AP3S1: variants seen among roughly 807,000 people sequenced by gnomAD.
AP3S1 encodes the protein AP-3 complex subunit sigma-1.
Under a neutral mutation model 21.3 loss-of-function variants are expected in AP3S1, and 12 were observed. The observed-to-expected ratio is 0.56, with a 90% CI of 0.36 to 0.91. AP3S1 has a LOEUF of 0.91. AP3S1 is among the 40% of genes least tolerant of loss of function. AP3S1 has a pLI of 0.01. For synonymous variants in AP3S1, 48 were observed against 78.4 expected (o/e 0.61, Z 2.05); for missense variants, 116 against 225.0 (o/e 0.52, Z 3.10).
At chr5:115,886,807 A>AATT (rs1749822751) in intron 3 of AP3S1, among the ~76,000 whole-genome samples, 1 of 151,916 alleles carries the variant, frequency 6.6e-6, no homozygotes, top group African/African-American at 2.4e-5. Context: ...ACTCTTTCAG[A>AATT]ATTATTATGA....
At chr5:115,912,859 T>C (rs145426181) in intron 5 of AP3S1, among the ~76,000 whole-genome samples, 28 of 152,204 alleles carry the variant, frequency 1.8e-4, no homozygotes, top group African/African-American at 6.7e-4. Context: ...AAAACTAATT[T>C]TATTGTTTTA....
In AP3S1 at chr5:115,888,897, T is replaced by A. The variant is rs1750028177; in HGVS notation, c.274-6190T>A. The stretch of plus-strand genomic sequence containing the variant: ...ACTCTATCTAAATTGTTTAACTCAA[T>A]TTTTATGATAATCCAGAAAAGTAAG... On this transcript the variant is annotated intron_variant, in intron 3 of 5. Transcript: ENST00000316788. 2.0e-5 allele frequency among the ~76,000 whole-genome samples: 3 copies of A among 152,182 alleles called. 1 individual carries two copies. Among genetic ancestry groups the A allele is most frequent in the African/African-American group, 7.2e-5 (3 of 41,462 alleles).
At chr5:115,864,438 A>T (rs946285757) in intron 1 of AP3S1, among the ~76,000 whole-genome samples, 2 of 152,234 alleles carry the variant, frequency 1.3e-5, no homozygotes, top group Admixed American at 1.3e-4. Flanking sequence ...TCAGGGTCAT[A>T]AGGACCTTTA....
chr5:115,903,035 A>G (rs377646390), intron 5 of AP3S1, 43 bp downstream of exon 5: 4 of 1,362,362 alleles, frequency 2.9e-6, no homozygotes, highest in Non-Finnish European at 4.2e-6. Flanking sequence ...TCTAAGCATG[A>G]TGACAGATTA....
intron 3 of AP3S1, among the ~76,000 whole-genome samples, chr5:115,881,135 G>T (rs1301856572): frequency 6.6e-6 from 1 of 152,022 alleles, no homozygotes; most frequent in Non-Finnish European, 1.5e-5. Context: ...ACACTGATGG[G>T]TCTTGACCTT....
chr5:115,900,586 A>T (rs889086254), intron 4 of AP3S1, among the ~76,000 whole-genome samples: 1 of 152,336 alleles, frequency 6.6e-6, no homozygotes, highest in South Asian at 2.1e-4. Flanking sequence ...AGAGGTGCTC[A>T]TGATTATGAA....
At chr5:115,874,838 G>C (rs996305481) in intron 3 of AP3S1, among the ~76,000 whole-genome samples, 4 of 151,882 alleles carry the variant, frequency 2.6e-5, no homozygotes, top group African/African-American at 9.7e-5. Flanking sequence ...AAAGACCTGT[G>C]AATTAAAGCT....
intron 1 of AP3S1, among the ~76,000 whole-genome samples, chr5:115,860,288 A>G (rs1763080878): frequency 6.6e-6 from 1 of 152,232 alleles, no homozygotes; most frequent in Middle Eastern, 3.2e-3. Context: ...CTGGGATAAT[A>G]TCTTCATCTC....
chr5:115,871,547 AT>A (rs1748250668), intron 3 of AP3S1, among the ~76,000 whole-genome samples: 1 of 152,070 alleles, frequency 6.6e-6, no homozygotes, highest in Non-Finnish European at 1.5e-5. Context: ...AGTTTTAAAA[AT>A]CCATCATTTT....
At chr5:115,850,405 A>G (rs1287507371) in intron 1 of AP3S1, among the ~76,000 whole-genome samples, 1 of 152,228 alleles carries the variant, frequency 6.6e-6, no homozygotes, top group African/African-American at 2.4e-5. Context: ...GCAAGTGTAC[A>G]GTTTTGTGGC....
At chr5:115,854,395 T>C (rs1762652175) in intron 1 of AP3S1, among the ~76,000 whole-genome samples, 1 of 152,190 alleles carries the variant, frequency 6.6e-6, no homozygotes. Context: ...AATTCTTCTC[T>C]AAAGAAATTT....
At chr5:115,876,432 G>C (rs1338268032) in intron 3 of AP3S1, among the ~76,000 whole-genome samples, 1 of 152,056 alleles carries the variant, frequency 6.6e-6, no homozygotes, top group Non-Finnish European at 1.5e-5. Flanking sequence ...TTTGATTTAA[G>C]GTAAATTCAT....
chr5:115,902,192 T>A (rs997057252), intron 4 of AP3S1, among the ~76,000 whole-genome samples: 12 of 152,220 alleles, frequency 7.9e-5, no homozygotes, highest in Non-Finnish European at 1.6e-4. Context: ...GCAGAATAGA[T>A]TCTTCTGTGA....
chr5:115,890,780 C>T (rs1750228779), intron 3 of AP3S1, among the ~76,000 whole-genome samples: 1 of 147,926 alleles, frequency 6.8e-6, no homozygotes, highest in Admixed American at 6.7e-5. Context: ...ATGGAAATGT[C>T]ACCAGTAACT....
intron 3 of AP3S1, among the ~76,000 whole-genome samples, chr5:115,876,079 AG>A (rs964932440): frequency 1.4e-4 from 21 of 152,166 alleles, no homozygotes; most frequent in Admixed American, 6.6e-4. Context: ...TGTTAGAGTC[AG>A]GTAGTATGGA....
chr5:115,844,106 A>G (rs1409728450), intron 1 of AP3S1, among the ~76,000 whole-genome samples: 1 of 152,212 alleles, frequency 6.6e-6, no homozygotes, highest in African/African-American at 2.4e-5. Flanking sequence ...TTTGTCTTTC[A>G]GGAATAATTT....
At chr5:115,843,243 G>A (rs1043708156) in intron 1 of AP3S1, among the ~76,000 whole-genome samples, 25 of 152,310 alleles carry the variant, frequency 1.6e-4, no homozygotes, top group Admixed American at 1.6e-3. Flanking sequence ...ATTGTGCCAA[G>A]GCTAACACTT....
chr5:115,861,380 G>A (rs2112810719), intron 1 of AP3S1, among the ~76,000 whole-genome samples: 1 of 152,240 alleles, frequency 6.6e-6, no homozygotes, highest in Non-Finnish European at 1.5e-5. Context: ...CTTAGATTTT[G>A]GAGAACGTTT....
intron 3 of AP3S1, among the ~76,000 whole-genome samples, chr5:115,885,312 T>C (rs536208966): frequency 6.6e-6 from 1 of 152,252 alleles, no homozygotes; most frequent in East Asian, 1.9e-4. Flanking sequence ...AAGAAGCCAG[T>C]AGTGGCTCAG....
Sources: allele counts gnomAD v4.1 joint callset (sites outside exome capture counted in the v4.1 genomes callset), GRCh38; gene constraint gnomAD v4.1.1; transcripts MANE v1.5; gene names NCBI Gene and HGNC (gene_info 2026-07-23, HGNC 2026-07-21).